NARS2: variants seen among roughly 807,000 people sequenced by gnomAD.
The protein encoded by NARS2 is asparaginyl-tRNA synthetase.
Under a neutral mutation model 62.9 loss-of-function variants are expected in NARS2, and 60 were observed. The observed-to-expected ratio is 0.95, with a 90% CI of 0.77 to 1.18. NARS2 has a LOEUF of 1.18. Ranked by LOEUF, NARS2 falls within the 50% of genes most tolerant of loss-of-function variation. The probability of loss-of-function intolerance (pLI) is 0.00; values close to 1 mark genes in which losing one functional copy is unlikely to be tolerated. For synonymous variants in NARS2, 196 were observed against 200.0 expected, an observed-to-expected ratio of 0.98 and a Z score of 0.17; for missense variants, 619 against 576.4, an observed-to-expected ratio of 1.07 and a Z score of -0.76.
Position 78,436,683 on chromosome 11 carries a change from G to C in NARS2, c.1421C>G (p.Ser474Ter). The C allele has an allele frequency of 6.2e-7, 1 of 1,614,146 alleles. No homozygotes were observed. Among genetic ancestry groups the C allele is most frequent in the Non-Finnish European group, 8.5e-7 (1 of 1,180,018 alleles). The change falls in exon 14 of 14, where the codon TCA becomes TGA. Residue 474 changes from serine (S) to a stop codon, truncating the protein, a stop_gained. Transcript: ENST00000281038. LOFTEE classifies it high-confidence loss of function. ...CCAATCTTCCAGCTATAAAAGGCAT[G>C]AATGAGGAAACCTTGGGAAAGGGAT... ...DVIPFPRFPH[S>*]CLL
At chr11:78,478,373 TTATAA>T (rs763840974) in intron 9 of NARS2, 60 bp downstream of exon 9, 128 of 701,490 alleles carry the variant, frequency 1.8e-4, no homozygotes, top group Non-Finnish European at 2.5e-4. Flanking sequence ...ATTTAAAAAA[TTATAA>T]TATAGTGTGA....
At chr11:78,450,615 T>C (rs1857935876) in intron 11 of NARS2, among the ~76,000 whole-genome samples, 1 of 152,060 alleles carries the variant, frequency 6.6e-6, no homozygotes, top group African/African-American at 2.4e-5. Context: ...TACTATTTCT[T>C]TTTCAACAAG....
In NARS2 at chr11:78,527,599, G is replaced by C. The variant is rs551109531; in HGVS notation, c.689+1243C>G. Among the ~76,000 whole-genome samples the C allele has an allele frequency of 2.0e-5, 3 of 152,168 alleles. No individual in the cohort carries two copies. In the East Asian group the frequency reaches 5.8e-4, roughly 29 times the overall value. ...ACTGACTTTCCATTCTTCTAGCAAA[G>C]TACAAAAGTAAATATGCAAACTATT... is the stretch of plus-strand genomic sequence containing the variant. On this transcript the variant is annotated intron_variant, in intron 6 of 13. Coordinates refer to ENST00000281038, the MANE Select transcript of NARS2 (RefSeq NM_024678.6).
chr11:78,503,612 C>A (rs1337318687), intron 6 of NARS2, among the ~76,000 whole-genome samples: 1 of 152,146 alleles, frequency 6.6e-6, no homozygotes, highest in Non-Finnish European at 1.5e-5. Flanking sequence ...GGTAGTATTT[C>A]ATAAAAAGGG....
chr11:78,561,802 G>A (rs1008213203), intron 4 of NARS2, among the ~76,000 whole-genome samples: 6 of 152,198 alleles, frequency 3.9e-5, no homozygotes, highest in Non-Finnish European at 7.3e-5. Flanking sequence ...TCTCACGCCT[G>A]TAATCCCAGC....
intron 6 of NARS2, among the ~76,000 whole-genome samples, chr11:78,509,263 G>C (rs1039909803): frequency 6.6e-6 from 1 of 152,092 alleles, no homozygotes; most frequent in African/African-American, 2.4e-5. Flanking sequence ...AAGGGAGAAA[G>C]TAAGACATTC....
rs112015519 is a variant in NARS2, at chr11:78,523,174, T to C, written c.689+5668A>G. On this transcript the variant is annotated intron_variant, in intron 6 of 13. Coordinates refer to ENST00000281038, the MANE Select transcript of NARS2 (RefSeq NM_024678.6). ...TACATACAAATGGCCAACAGGCACA[T>C]GGAAAGACGCTCCACACCTTTTCAT... 9.2e-3 allele frequency among the ~76,000 whole-genome samples: 1,399 copies of C among 152,238 alleles called. 32 individuals are homozygous for C. Among genetic ancestry groups the C allele is most frequent in the African/African-American group, 0.032 (1,342 of 41,532 alleles).
chr11:78,460,555 TG>T (rs1203872504), intron 11 of NARS2, among the ~76,000 whole-genome samples: 1 of 152,036 alleles, frequency 6.6e-6, no homozygotes, highest in Non-Finnish European at 1.5e-5. Context: ...GAGAAATGAA[TG>T]GATGTGAGAG....
At chr11:78,480,973 C>A (rs1252516164) in intron 7 of NARS2, among the ~76,000 whole-genome samples, 2 of 151,728 alleles carry the variant, frequency 1.3e-5, no homozygotes, top group Non-Finnish European at 2.9e-5. Context: ...GGTGTAGCAC[C>A]ACACCCAGGT....
intron 7 of NARS2, among the ~76,000 whole-genome samples, chr11:78,483,400 A>G (rs1285415037): frequency 6.6e-6 from 1 of 152,238 alleles, no homozygotes; most frequent in Non-Finnish European, 1.5e-5. Flanking sequence ...GCAATCAGGC[A>G]AAAGAAATAA....
At position 78,531,396 on chromosome 11, in the gene NARS2, C is replaced by T. The variant is rs115233683; in HGVS notation, c.595-2460G>A. Among the ~76,000 whole-genome samples the T allele has an allele frequency of 5.1e-3, 775 of 151,658 alleles. 4 individuals carry two copies. The highest frequency in any genetic ancestry group is 0.018 in the African/African-American group (747 of 41,358). ...GGTATCTTCTTTGATAACTATGGAACGAAACTAGAAATGTACAATAAGGGG... is the reference window on the plus strand; with the variant it reads ...GGTATCTTCTTTGATAACTATGGAATGAAACTAGAAATGTACAATAAGGGG... On this transcript the variant is annotated intron_variant, in intron 5 of 13. Transcript: ENST00000281038.
At chr11:78,449,399 A>G (rs1345196251) in intron 11 of NARS2, among the ~76,000 whole-genome samples, 1 of 151,960 alleles carries the variant, frequency 6.6e-6, no homozygotes, top group Non-Finnish European at 1.5e-5. Context: ...AGCCTCCCAA[A>G]GTGCTGGGAT....
chr11:78,528,776 G>T, intron 6 of NARS2, 66 bp downstream of exon 6: 1 of 1,016,026 alleles, frequency 9.8e-7, no homozygotes, highest in South Asian at 1.3e-5. Flanking sequence ...GTTTGAGCAT[G>T]GGAAGGGAAG....
At position 78,528,850 on chromosome 11, in the gene NARS2, C is replaced by A; in HGVS notation, c.681G>T (p.Val227=). 6.2e-7 allele frequency: 1 copy of A among 1,604,332 alleles called. No individual in the cohort carries two copies. Among genetic ancestry groups the A allele is most frequent in the Non-Finnish European group, 8.5e-7 (1 of 1,172,194 alleles). Residue 227 remains valine, a synonymous_variant, in exon 6 of 14, where the codon GTG becomes GTT. Coordinates refer to ENST00000281038, the MANE Select transcript of NARS2 (RefSeq NM_024678.6). ...AAAGGAAAATTTCATACCCTGACAT[C>A]ACTTCTAGATGAAGTTGTCCTGAGA... The part of the protein sequence containing the change: ...LTVSGQLHLE[V]MSGAFTQVFT...
At chr11:78,503,004 A>AAG (rs1202660172) in intron 6 of NARS2, among the ~76,000 whole-genome samples, 1 of 150,944 alleles carries the variant, frequency 6.6e-6, no homozygotes, top group Non-Finnish European at 1.5e-5. Flanking sequence ...AAAAAAAAAA[A>AAG]AAAAAAGGTT....
chr11:78,478,822 A>G, intron 7 of NARS2, 139 bp from the exon 8 acceptor site: 1 of 471,938 alleles, frequency 2.1e-6, no homozygotes, highest in South Asian at 4.9e-5. Flanking sequence ...TGTACCATGG[A>G]AAATTGGTTC....
At chr11:78,563,215 ATTTTTTTT>A (rs71046983) in intron 4 of NARS2, among the ~76,000 whole-genome samples, 1 of 115,708 alleles carries the variant, frequency 8.6e-6, no homozygotes, top group African/African-American at 3.4e-5. Context: ...AACCACTTGA[ATTTTTTTT>A]TTTTTTTTTT....
intron 7 of NARS2, among the ~76,000 whole-genome samples, chr11:78,482,911 C>G (rs566674230): frequency 3.3e-5 from 5 of 152,230 alleles, no homozygotes; most frequent in Admixed American, 2.6e-4. Flanking sequence ...CATCCTGATG[C>G]CAAAACCTGG....
At chr11:78,441,598 C>G (rs1169884146) in intron 12 of NARS2, among the ~76,000 whole-genome samples, 1 of 151,886 alleles carries the variant, frequency 6.6e-6, no homozygotes, top group East Asian at 1.9e-4. Context: ...GTAGTCCCAG[C>G]TACTCGGGAA....
Sources: allele counts gnomAD v4.1 joint callset (sites outside exome capture counted in the v4.1 genomes callset), GRCh38; gene constraint gnomAD v4.1.1; transcripts MANE v1.5; gene names NCBI Gene and HGNC (gene_info 2026-07-23, HGNC 2026-07-21).